The following LRRC37A2 variants were observed in gnomAD, a reference collection of about 807,000 sequenced individuals.
LRRC37A2 encodes leucine-rich repeat-containing protein 37A2.
Under a neutral mutation model 68.8 loss-of-function variants are expected in LRRC37A2, and 9 were observed. The ratio of observed to expected loss-of-function variants is 0.13; its 90% CI spans 0.08 to 0.23. LRRC37A2 has a LOEUF of 0.23. Among genes scored for constraint, LRRC37A2 ranks in the 10% least tolerant of loss-of-function variants. LRRC37A2 has a pLI of 1.00. For synonymous variants in LRRC37A2, 63 were observed against 367.6 expected (o/e 0.17, Z 9.48); for missense variants, 168 against 950.4 (o/e 0.18, Z 10.82).
chr17:46,782,961 G>C, the LRRC37A2 span, among the ~76,000 whole-genome samples: 1 of 152,234 alleles, frequency 6.6e-6, no homozygotes, highest in Non-Finnish European at 1.5e-5. Context: ...AGGTGGGGCT[G>C]TGTCCTGTGG....
chr17:46,875,921 T>C, the LRRC37A2 span, among the ~76,000 whole-genome samples: 1 of 152,196 alleles, frequency 6.6e-6, no homozygotes, highest in East Asian at 1.9e-4. Flanking sequence ...TTCTGAGTTG[T>C]CATCACTGAG....
chr17:46,851,246 C>A, the LRRC37A2 span, among the ~76,000 whole-genome samples: 4 of 152,132 alleles, frequency 2.6e-5, no homozygotes, highest in African/African-American at 9.7e-5. The surrounding 1 kb of genome is among the most constrained non-coding windows in gnomAD (Gnocchi z 4.3). Flanking sequence ...CTTGCCTCCG[C>A]CCCATCCCGG....
the LRRC37A2 span, among the ~76,000 whole-genome samples, chr17:46,958,640 A>T: frequency 1.3e-5 from 2 of 152,236 alleles, no homozygotes; most frequent in Non-Finnish European, 2.9e-5. Flanking sequence ...GGAGGGGGCC[A>T]TCAGGGCATC....
chr17:46,769,694 C>A, the LRRC37A2 span: 6 of 1,555,416 alleles, frequency 3.9e-6, no homozygotes, highest in South Asian at 6.8e-5. Flanking sequence ...ACAGGGCTGC[C>A]GGAAGGGGTG....
At chr17:46,804,208 C>T in the LRRC37A2 span, among the ~76,000 whole-genome samples, 7 of 152,222 alleles carry the variant, frequency 4.6e-5, no homozygotes, top group African/African-American at 1.7e-4. Flanking sequence ...CTGCCTCAGC[C>T]TCCCCAGCAG....
the LRRC37A2 span, chr17:46,952,712 CAGAG>C: frequency 5.9e-5 from 9 of 152,130 alleles, no homozygotes; most frequent in East Asian, 3.9e-4. Context: ...GAAAGCAAAA[CAGAG>C]AGAGAGACAG....
chr17:47,010,955 T>A, the LRRC37A2 span, among the ~76,000 whole-genome samples: 1 of 152,164 alleles, frequency 6.6e-6, no homozygotes. Context: ...AATTCTGGGA[T>A]CTTGTAAATT....
the LRRC37A2 span, chr17:46,876,806 C>A: frequency 6.9e-7 from 1 of 1,450,954 alleles, no homozygotes; most frequent in South Asian, 1.5e-5. Flanking sequence ...GGCAGACTGT[C>A]ATCACATGCA....
the LRRC37A2 span, among the ~76,000 whole-genome samples, chr17:46,917,803 C>G: frequency 6.6e-6 from 1 of 152,200 alleles, no homozygotes; most frequent in African/African-American, 2.4e-5. Context: ...CCAATACAAA[C>G]AGGTTCTGAA....
chr17:46,957,437 A>G, the LRRC37A2 span, among the ~76,000 whole-genome samples: 19 of 152,014 alleles, frequency 1.2e-4, no homozygotes, highest in African/African-American at 4.4e-4. Context: ...ACATGGTGAA[A>G]CCCCATCTCT....
At chr17:46,912,559 C>T in the LRRC37A2 span, among the ~76,000 whole-genome samples, 1 of 152,216 alleles carries the variant, frequency 6.6e-6, no homozygotes, top group African/African-American at 2.4e-5. Context: ...GGGAGGACAA[C>T]TTCCTTGGAG....
the LRRC37A2 span, among the ~76,000 whole-genome samples, chr17:46,494,025 A>T: frequency 1.3e-5 from 2 of 149,374 alleles, no homozygotes; most frequent in Non-Finnish European, 2.9e-5. Flanking sequence ...TTGTATTTTT[A>T]ATAGAGATGG....
chr17:47,037,076 G>T, the LRRC37A2 span, among the ~76,000 whole-genome samples: 1 of 127,890 alleles, frequency 7.8e-6, no homozygotes, highest in Non-Finnish European at 1.7e-5. Context: ...GATTGCCTGA[G>T]GTCAGGAGTT....
At chr17:46,760,172 A>G in the LRRC37A2 span, among the ~76,000 whole-genome samples, 1 of 152,152 alleles carries the variant, frequency 6.6e-6, no homozygotes, top group Admixed American at 6.5e-5. Context: ...GCTGAGGAGG[A>G]TCATTTGAGC....
At chr17:46,902,056 C>T in the LRRC37A2 span, among the ~76,000 whole-genome samples, 1 of 152,180 alleles carries the variant, frequency 6.6e-6, no homozygotes, top group South Asian at 2.1e-4. Flanking sequence ...GATCCACCCA[C>T]CTTGGCCTCC....
At chr17:46,902,461 CGTGTGTGTGTGTGT>C in the LRRC37A2 span, among the ~76,000 whole-genome samples, 1 of 148,110 alleles carries the variant, frequency 6.8e-6, no homozygotes, top group East Asian at 2.0e-4. Context: ...GGGAACAGTG[CGTGTGTGTGTGTGT>C]GTGTGTGTGT....
At chr17:46,933,959 G>A in the LRRC37A2 span, among the ~76,000 whole-genome samples, 1 of 147,714 alleles carries the variant, frequency 6.8e-6, no homozygotes, top group Non-Finnish European at 1.5e-5. Flanking sequence ...AAAAAAACAC[G>A]AAACAAACCC....
At chr17:47,010,145 G>T in the LRRC37A2 span, among the ~76,000 whole-genome samples, 1 of 152,222 alleles carries the variant, frequency 6.6e-6, no homozygotes, top group South Asian at 2.1e-4. Flanking sequence ...CCCAGAAGGG[G>T]TGGACCGTGG....
chr17:46,818,629 C>T, the LRRC37A2 span: 1 of 1,567,618 alleles, frequency 6.4e-7, no homozygotes, highest in Admixed American at 1.9e-5. Context: ...AGTTTGCCCG[C>T]GACCATGAAG....
Sources: allele counts gnomAD v4.1 joint callset (sites outside exome capture counted in the v4.1 genomes callset), GRCh38; gene constraint gnomAD v4.1.1; non-coding constraint Gnocchi (gnomAD v3.1); transcripts MANE v1.5; gene names NCBI Gene and HGNC (gene_info 2026-07-23, HGNC 2026-07-21).